Variants in CELF2 observed in about 807,000 individuals in gnomAD.
CELF2 encodes CUG triplet repeat RNA-binding protein 2.
Under a neutral mutation model 62.6 loss-of-function variants are expected in CELF2, and 8 were observed. That is an observed-to-expected ratio of 0.13 (90% CI 0.07 to 0.23). The LOEUF (loss-of-function observed/expected upper bound fraction) is 0.23. Among genes scored for constraint, CELF2 ranks in the 10% least tolerant of loss-of-function variants. The pLI is 1.00. For missense variants in CELF2, 333 were observed against 671.0 expected (o/e 0.50, Z 5.56); for synonymous variants, 258 against 250.0 (o/e 1.03, Z -0.30).
chr10:10,486,289 C>A, the CELF2 span, among the ~76,000 whole-genome samples: 2 of 152,226 alleles, frequency 1.3e-5, no homozygotes, highest in Admixed American at 6.5e-5. Context: ...TTAATTAAAC[C>A]CACACAGGAA....
At position 11,141,987 on chromosome 10, in the gene CELF2, A is replaced by C. The variant is rs533632496; in HGVS notation, c.75-23499A>C. Among the ~76,000 whole-genome samples, 3 of 152,204 alleles carry C rather than the reference A, an allele frequency of 2.0e-5. No homozygotes were observed. The East Asian group carries it at 5.8e-4, about 29-fold the overall frequency. The stretch of plus-strand genomic sequence containing the variant: ...GCCCTCTTTATAAGTAATGAAGATA[A>C]CGACTGCAAACAAGGTCTTTGGACT... On this transcript the variant is annotated intron_variant, in intron 1 of 12. Transcript: ENST00000633077.
At chr10:11,274,697 G>C (rs999536752) in intron 7 of CELF2, among the ~76,000 whole-genome samples, 3 of 152,218 alleles carry the variant, frequency 2.0e-5, no homozygotes, top group Non-Finnish European at 4.4e-5. Context: ...AAGTAGAAGA[G>C]AGGGAGGGAA....
chr10:10,615,063 G>A, the CELF2 span, among the ~76,000 whole-genome samples: 20 of 152,120 alleles, frequency 1.3e-4, no homozygotes, highest in African/African-American at 3.6e-4. Flanking sequence ...CCTGGGAGCC[G>A]TCTTCCCATC....
the CELF2 span, among the ~76,000 whole-genome samples, chr10:10,568,498 T>C: frequency 6.6e-6 from 1 of 152,108 alleles, no homozygotes; most frequent in Non-Finnish European, 1.5e-5. Flanking sequence ...AGCCTAACAT[T>C]TTTTGTTACT....
intron 1 of CELF2, among the ~76,000 whole-genome samples, chr10:11,115,138 G>A (rs1354368610): frequency 1.3e-5 from 2 of 152,200 alleles, no homozygotes; most frequent in African/African-American, 4.8e-5. Context: ...TATGCAGTAG[G>A]CACGTGAATA....
chr10:10,765,607 G>C, the CELF2 span, among the ~76,000 whole-genome samples: 3 of 152,150 alleles, frequency 2.0e-5, no homozygotes, highest in African/African-American at 7.2e-5. Flanking sequence ...CAAAGTGGTG[G>C]CCAGCCTTAG....
chr10:11,325,050 G>T (rs776384157), intron 11 of CELF2, among the ~76,000 whole-genome samples: 1 of 152,174 alleles, frequency 6.6e-6, no homozygotes, highest in Non-Finnish European at 1.5e-5. Context: ...GAGGAAAAGC[G>T]AGGGCAGCTT....
chr10:11,001,176 C>T (rs2054483818), upstream of CELF2, among the ~76,000 whole-genome samples: 1 of 152,154 alleles, frequency 6.6e-6, no homozygotes, highest in Non-Finnish European at 1.5e-5. Flanking sequence ...GTATTCTTTC[C>T]ATCTTCCAGA....
the CELF2 span, among the ~76,000 whole-genome samples, chr10:10,489,868 A>G: frequency 6.6e-6 from 1 of 151,334 alleles, no homozygotes; most frequent in East Asian, 1.9e-4. Context: ...TTCCATTCAC[A>G]TTTTTAAATT....
chr10:10,702,040 G>T, the CELF2 span, among the ~76,000 whole-genome samples: 1 of 152,222 alleles, frequency 6.6e-6, no homozygotes, highest in Non-Finnish European at 1.5e-5. Flanking sequence ...AAGTCATTTT[G>T]ACTTGATTCT....
chr10:10,898,193 T>C (rs188173085), intron 1 of CELF2, among the ~76,000 whole-genome samples: 178 of 152,346 alleles, frequency 1.2e-3, no homozygotes, highest in African/African-American at 3.3e-3. Flanking sequence ...TGTTTTCTAG[T>C]ATCACAGGTC....
chr10:11,091,591 G>C (rs996565740), intron 1 of CELF2, among the ~76,000 whole-genome samples: 3 of 152,196 alleles, frequency 2.0e-5, no homozygotes, highest in African/African-American at 7.2e-5. Context: ...AGTCAAACGA[G>C]CATGTTCTCT....
intron 1 of CELF2, among the ~76,000 whole-genome samples, chr10:11,073,011 CTT>C (rs1264463161): frequency 6.6e-6 from 1 of 151,872 alleles, no homozygotes; most frequent in East Asian, 1.9e-4. Flanking sequence ...AAATCACACT[CTT>C]ATTGTACAAC....
rs559412464 is a variant in CELF2, at chr10:11,322,636, T to C, written c.1294+1250T>C. The stretch of plus-strand genomic sequence containing the variant: ...GAGAACACAGCTTAAAAGATACTCA[T>C]GGTTTTTTTTTTTTTTTTAAAGGAA... On this transcript the variant is annotated intron_variant, in intron 11 of 12. Coordinates refer to ENST00000633077, the MANE Select transcript of CELF2 (RefSeq NM_001326342.2). Among the ~76,000 whole-genome samples, 14 of 87,188 alleles carry C rather than the reference T, an allele frequency of 1.6e-4. No individual in the cohort carries two copies. In the East Asian group the frequency reaches 4.0e-3, roughly 25 times the overall value. The allele number at this position is 87,188 out of a possible 152,430, so 57.2% of individuals were successfully genotyped here.
At position 10,843,077 on chromosome 10, in the gene CELF2, T is replaced by C. The variant is rs571324451; in HGVS notation, c.53+44260T>C. 3.6e-4 allele frequency among the ~76,000 whole-genome samples: 55 copies of C among 152,186 alleles called. No homozygotes were observed. The South Asian group carries it at 0.011, about 30-fold the overall frequency. On this transcript the variant is annotated intron_variant, in intron 1 of 13. Coordinates refer to the CELF2 transcript ENST00000636488. ...ATCTAAGTAATCCAATTTGTAGTTATAGGGTTGTTCATAATATTTCTTTAT... is the reference window on the plus strand; with the variant it reads ...ATCTAAGTAATCCAATTTGTAGTTACAGGGTTGTTCATAATATTTCTTTAT...
chr10:10,906,907 CG>C (rs1345483048), intron 1 of CELF2, among the ~76,000 whole-genome samples: 1 of 151,762 alleles, frequency 6.6e-6, no homozygotes, highest in Non-Finnish European at 1.5e-5. Flanking sequence ...TTAGTAGAGA[CG>C]GGGTTTCACC....
the CELF2 span, among the ~76,000 whole-genome samples, chr10:10,707,763 C>T: frequency 6.6e-6 from 1 of 152,098 alleles, no homozygotes; most frequent in East Asian, 1.9e-4. Flanking sequence ...ACAGGCATTG[C>T]GTGCCTGAGA....
chr10:10,974,570 C>T (rs545783898), intron 2 of CELF2, among the ~76,000 whole-genome samples: 1 of 152,282 alleles, frequency 6.6e-6, no homozygotes, highest in African/African-American at 2.4e-5. Context: ...ACTGACTCTG[C>T]CGGGATTAGA....
chr10:10,736,383 TCTTTCTTTCTTTC>T, the CELF2 span, among the ~76,000 whole-genome samples: 555 of 86,136 alleles, frequency 6.4e-3, 11 homozygotes, highest in Non-Finnish European at 9.8e-3. Flanking sequence ...TTTCTTTCTT[TCTTTCTTTCTTTC>T]TTTTTTTTTT....
Sources: allele counts gnomAD v4.1 joint callset (sites outside exome capture counted in the v4.1 genomes callset), GRCh38; gene constraint gnomAD v4.1.1; transcripts MANE v1.5; gene names NCBI Gene and HGNC (gene_info 2026-07-23, HGNC 2026-07-21).